Variants in XKR9 observed in about 807,000 individuals in gnomAD.
XKR9 encodes the protein XK-related protein 9.
A neutral mutation model predicts 32.0 loss-of-function variants in XKR9; 32 were observed. The observed-to-expected ratio is 1.00, with a 90% CI of 0.76 to 1.34. The LOEUF is 1.34. Among genes scored for constraint, XKR9 ranks in the 40% most tolerant of loss-of-function variants. XKR9 has a pLI of 0.00. For missense variants in XKR9, 546 were observed against 429.7 expected, an observed-to-expected ratio of 1.27 and a Z score of -2.39; for synonymous variants, 168 against 143.4, an observed-to-expected ratio of 1.17 and a Z score of -1.22.
the XKR9 span, among the ~76,000 whole-genome samples, chr8:71,027,930 C>T: frequency 1.3e-5 from 2 of 151,926 alleles, no homozygotes; most frequent in Admixed American, 6.6e-5. Flanking sequence ...GCACCTTGCA[C>T]AGCTAATTAA....
chr8:70,845,547 A>G, the XKR9 span, among the ~76,000 whole-genome samples: 4 of 152,218 alleles, frequency 2.6e-5, no homozygotes, highest in Non-Finnish European at 5.9e-5. Flanking sequence ...AATCAGAAAA[A>G]TAATTCAAGA....
chr8:70,760,709 A>G (rs1364992371), intron 2 of XKR9, among the ~76,000 whole-genome samples: 2 of 152,034 alleles, frequency 1.3e-5, no homozygotes, highest in Non-Finnish European at 2.9e-5. Context: ...CTGAGCTTTT[A>G]AAAAAATTTA....
chr8:70,949,591 T>C, the XKR9 span, among the ~76,000 whole-genome samples: 1 of 151,904 alleles, frequency 6.6e-6, no homozygotes, highest in Non-Finnish European at 1.5e-5. Flanking sequence ...TATCTGTGTG[T>C]GTATGTGTGT....
chr8:71,052,213 A>T, the XKR9 span, among the ~76,000 whole-genome samples: 2 of 152,146 alleles, frequency 1.3e-5, no homozygotes, highest in East Asian at 3.9e-4. Flanking sequence ...CAATACAATG[A>T]TTGTTGTTAT....
chr8:70,682,726 C>T (rs1362176874), intron 3 of XKR9, among the ~76,000 whole-genome samples: 1 of 152,114 alleles, frequency 6.6e-6, no homozygotes, highest in East Asian at 1.9e-4. Context: ...TAATTTTTAT[C>T]TTGGCACCAC....
At chr8:70,906,573 A>G in the XKR9 span, among the ~76,000 whole-genome samples, 1 of 152,138 alleles carries the variant, frequency 6.6e-6, no homozygotes, top group Non-Finnish European at 1.5e-5. Flanking sequence ...CAGTTATTTG[A>G]TGGATATAGT....
chr8:70,731,621 C>A (rs1348976253), intron 4 of XKR9, among the ~76,000 whole-genome samples: 3 of 152,176 alleles, frequency 2.0e-5, no homozygotes, highest in Non-Finnish European at 4.4e-5. Flanking sequence ...TGGCAAAGCT[C>A]AAATTTTCTC....
the XKR9 span, among the ~76,000 whole-genome samples, chr8:71,003,160 A>C: frequency 4.6e-5 from 7 of 152,256 alleles, no homozygotes; most frequent in Admixed American, 4.6e-4. Context: ...TAAGGGAATC[A>C]GTGCTCAGAA....
intron 2 of XKR9, among the ~76,000 whole-genome samples, chr8:70,776,943 C>CTATATATA (rs1458131849): frequency 2.6e-5 from 1 of 38,314 alleles, no homozygotes; most frequent in African/African-American, 1.7e-4. Context: ...CTCTCTCTCT[C>CTATATATA]TCTCTATATA....
the XKR9 span, among the ~76,000 whole-genome samples, chr8:70,930,801 A>G: frequency 1.4e-4 from 22 of 152,178 alleles, no homozygotes; most frequent in Non-Finnish European, 2.8e-4. Flanking sequence ...AGCAGTGTCT[A>G]TCTAATGGCT....
the XKR9 span, among the ~76,000 whole-genome samples, chr8:71,029,165 G>T: frequency 6.6e-6 from 1 of 152,084 alleles, no homozygotes; most frequent in South Asian, 2.1e-4. Flanking sequence ...CAAGAGTTGG[G>T]AGTTACAAAA....
chr8:70,871,210 A>G, the XKR9 span, among the ~76,000 whole-genome samples: 1 of 152,200 alleles, frequency 6.6e-6, no homozygotes, highest in East Asian at 1.9e-4. Context: ...CATTCAATCA[A>G]TATTATTAAA....
chr8:70,949,765 G>A, the XKR9 span, among the ~76,000 whole-genome samples: 2 of 152,000 alleles, frequency 1.3e-5, no homozygotes, highest in Admixed American at 6.6e-5. Context: ...GTAAGGGGTC[G>A]GTTTATTTGG....
intron 2 of XKR9, among the ~76,000 whole-genome samples, chr8:70,776,947 CTATATATATA>C (rs1554556847): frequency 3.7e-5 from 2 of 54,204 alleles, no homozygotes; most frequent in Non-Finnish European, 6.9e-5. Context: ...CTCTCTCTCT[CTATATATATA>C]TATATATGTA....
chr8:70,794,199 G>A (rs61687485), downstream of XKR9, among the ~76,000 whole-genome samples: 11,035 of 151,906 alleles, frequency 0.073, 473 homozygotes, highest in Non-Finnish European at 0.089. Flanking sequence ...TTGCATACTG[G>A]CCTTGTATTC....
At chr8:70,786,683 A>C (rs1807692853) in intron 2 of XKR9, among the ~76,000 whole-genome samples, 1 of 152,080 alleles carries the variant, frequency 6.6e-6, no homozygotes. Flanking sequence ...TTTTGTATGC[A>C]GCATATAGTT....
chr8:70,885,938 C>T, the XKR9 span, among the ~76,000 whole-genome samples: 1 of 151,700 alleles, frequency 6.6e-6, no homozygotes, highest in Non-Finnish European at 1.5e-5. Context: ...ATGTGCAGAA[C>T]GTGCAGTTTT....
At chr8:70,781,661 T>C (rs62508775) in intron 2 of XKR9, among the ~76,000 whole-genome samples, 11,008 of 152,030 alleles carry the variant, frequency 0.072, 468 homozygotes, top group Non-Finnish European at 0.089. Context: ...CTCATTGTGG[T>C]TTTGATGTGC....
At chr8:70,930,423 GTAT>G in the XKR9 span, among the ~76,000 whole-genome samples, 1 of 152,042 alleles carries the variant, frequency 6.6e-6, no homozygotes, top group Admixed American at 6.6e-5. Context: ...TACCACTTTG[GTAT>G]TTGGGTCATA....
Sources: allele counts gnomAD v4.1 joint callset (sites outside exome capture counted in the v4.1 genomes callset), GRCh38; gene constraint gnomAD v4.1.1; transcripts MANE v1.5; gene names NCBI Gene and HGNC (gene_info 2026-07-23, HGNC 2026-07-21).